CMIP: variants seen among roughly 807,000 people sequenced by gnomAD.
CMIP encodes the protein c-Maf inducing protein.
In CMIP, 13 loss-of-function variants were observed where a neutral mutation model predicts 97.3. That is an observed-to-expected ratio of 0.13 (90% CI 0.09 to 0.21). The LOEUF is 0.21. Ranked by LOEUF, CMIP falls within the 10% of genes least tolerant of loss-of-function variation. CMIP has a pLI of 1.00. For missense variants in CMIP, 847 were observed against 1,024.9 expected, an observed-to-expected ratio of 0.83 and a Z score of 2.37; for synonymous variants, 538 against 436.3, an observed-to-expected ratio of 1.23 and a Z score of -2.91.
chr16:81,497,423 T>C (rs62046563), intron 1 of CMIP, among the ~76,000 whole-genome samples: 25,415 of 152,114 alleles, frequency 0.17, 3,051 homozygotes, highest in African/African-American at 0.34. Context: ...CTGGAGCTCA[T>C]AATAAGTAGG....
chr16:81,640,244 G>A (rs1279408552), intron 3 of CMIP, among the ~76,000 whole-genome samples: 2 of 150,094 alleles, frequency 1.3e-5, no homozygotes, highest in Non-Finnish European at 3.0e-5. Context: ...GGAAGTCAGT[G>A]TTTCTGTCCC....
chr16:81,480,137 T>A (rs371939638), intron 1 of CMIP, among the ~76,000 whole-genome samples: 100 of 152,354 alleles, frequency 6.6e-4, no homozygotes, highest in African/African-American at 2.3e-3. Context: ...TAGGCAGTAT[T>A]TCCTTGGGTC....
chr16:81,707,976 G>A (rs1908337613), intron 20 of CMIP, among the ~76,000 whole-genome samples: 1 of 152,272 alleles, frequency 6.6e-6, no homozygotes, highest in Non-Finnish European at 1.5e-5. Context: ...CAGGCCTCCT[G>A]CCGCCAGGGC....
At chr16:81,623,686 G>GT (rs1335325600) in intron 3 of CMIP, among the ~76,000 whole-genome samples, 2 of 152,204 alleles carry the variant, frequency 1.3e-5, no homozygotes, top group Non-Finnish European at 2.9e-5. Context: ...GCAAAGAAAC[G>GT]TAAGGTGTTT....
In CMIP at chr16:81,651,416, G is replaced by A. The variant is rs117821579; in HGVS notation, c.478-787G>A. The A allele has an allele frequency of 3.3e-3, 3,216 of 980,536 alleles. 7 individuals carry two copies. Among genetic ancestry groups the A allele is most frequent in the Non-Finnish European group, 3.7e-3 (3,047 of 825,430 alleles). The allele number at this position is 980,536 out of a possible 1,614,324, so 60.7% of individuals were successfully genotyped here. ...AACCGCTCTCTGGCTTCGACACAGC[G>A]CCCAAGCAAAGGTGAGAGCACTCTT... is the stretch of plus-strand genomic sequence containing the variant. On this transcript the variant is annotated intron_variant, in intron 3 of 20. Transcript: ENST00000537098.
At chr16:81,669,808 G>A (rs559733715) in intron 7 of CMIP, among the ~76,000 whole-genome samples, 2 of 152,090 alleles carry the variant, frequency 1.3e-5, no homozygotes, top group South Asian at 4.2e-4. Context: ...ATTCCCCTCG[G>A]AAGCACCCTC....
Position 81,652,348 on chromosome 16 carries a change from C to T in CMIP, c.623C>T (p.Ser208Leu), listed in dbSNP as rs780130600. 1.2e-5 allele frequency: 19 copies of T among 1,613,486 alleles called. No homozygotes were observed. Among genetic ancestry groups the T allele is most frequent in the Non-Finnish European group, 1.6e-5 (19 of 1,179,746 alleles). The change falls in exon 4 of 21, where the codon TCG becomes TTG. Residue 208 changes from serine (S) to leucine (L), a missense_variant. By Grantham distance (145) the Ser-to-Leu change is moderately radical (BLOSUM62 -2). This residue lies in a region of CMIP where 285 missense variants were observed against 392.2 expected (regional missense o/e 0.73). Coordinates refer to ENST00000537098, the MANE Select transcript of CMIP (RefSeq NM_198390.3). The surrounding 1 kb of genome is among the most constrained non-coding windows in gnomAD (Gnocchi z 5.2). ...SINQAPLEIV[S>L]KLLSENTNLT... ...AACCAGGCCCCACTGGAAATCGTCT[C>T]GAAACTGCTCTCAGAGGTAAAACCC... is the stretch of plus-strand genomic sequence containing the variant.
chr16:81,484,784 C>G (rs2089290168), intron 1 of CMIP, among the ~76,000 whole-genome samples: 1 of 152,156 alleles, frequency 6.6e-6, no homozygotes, highest in African/African-American at 2.4e-5. Flanking sequence ...GGGGTTCACT[C>G]TACCTTTGAT....
Position 81,684,553 on chromosome 16 carries a change from G to A in CMIP, c.1388+5925G>A, listed in dbSNP as rs918472970. ...TGGGTTAAAATCCCAGCTGAGCTGC[G>A]TGAGGTGGGAGACCCGGGCTTTGCA... On this transcript the variant is annotated intron_variant, in intron 10 of 20. Coordinates refer to ENST00000537098, the MANE Select transcript of CMIP (RefSeq NM_198390.3). Among the ~76,000 whole-genome samples the A allele has an allele frequency of 5.3e-5, 8 of 152,358 alleles. No individual in the cohort carries two copies. The East Asian group carries it at 7.7e-4, about 15-fold the overall frequency.
Position 81,504,662 on chromosome 16 carries a change from A to AG in CMIP, c.300+59121_300+59122insG, listed in dbSNP as rs1555524041. 1.1e-4 allele frequency among the ~76,000 whole-genome samples: 15 copies of AG among 142,590 alleles called. No homozygotes were observed. In the East Asian group the frequency reaches 1.2e-3, roughly 11 times the overall value. The allele number at this position is 142,590 out of a possible 152,430, so 93.5% of individuals were successfully genotyped here. Reference sequence around the variant, plus strand: ...GTCTCAAAAAAAAAAAAAAAAAAAAAAAAAGAAAAGAAAAGAAAAAATGGC... The same window carrying AG: ...GTCTCAAAAAAAAAAAAAAAAAAAAAGAAAAGAAAAGAAAAGAAAAAATGGC... On this transcript the variant is annotated intron_variant, in intron 1 of 20. Coordinates refer to ENST00000537098, the MANE Select transcript of CMIP (RefSeq NM_198390.3).
intron 11 of CMIP, 127 bp from the exon 12 acceptor site, chr16:81,693,031 C>A: frequency 1.4e-6 from 1 of 706,948 alleles, no homozygotes; most frequent in African/African-American, 1.8e-5. Context: ...TGGCATTTCA[C>A]TCACATTCCT....
chr16:81,702,726 G>T, intron 17 of CMIP, 57 bp downstream of exon 17: 1 of 1,492,814 alleles, frequency 6.7e-7, no homozygotes, highest in Non-Finnish European at 9.3e-7. Flanking sequence ...GGTCCTCTCT[G>T]TTGGGGAACG....
At chr16:81,573,984 T>G (rs1355152712) in intron 1 of CMIP, among the ~76,000 whole-genome samples, 2 of 152,132 alleles carry the variant, frequency 1.3e-5, no homozygotes, top group Non-Finnish European at 2.9e-5. Flanking sequence ...AAGCCTAGGC[T>G]TGACCCCTGG....
chr16:81,545,968 G>A (rs868229083), intron 1 of CMIP, among the ~76,000 whole-genome samples: 3 of 152,158 alleles, frequency 2.0e-5, no homozygotes, highest in Non-Finnish European at 4.4e-5. Context: ...AGAATCCACC[G>A]TGACCTACAT....
intron 2 of CMIP, among the ~76,000 whole-genome samples, chr16:81,617,998 GGC>G (rs1567613607): frequency 6.6e-6 from 1 of 152,190 alleles, no homozygotes; most frequent in African/African-American, 2.4e-5. Context: ...TCCAGCCGGT[GGC>G]AGCTTACAGG....
At chr16:81,607,822 C>T in intron 2 of CMIP, 130 bp downstream of exon 2, 1 of 1,024,688 alleles carries the variant, frequency 9.8e-7, no homozygotes, top group African/African-American at 1.6e-5. Context: ...GATTTTATTC[C>T]CCAAGTATAA....
intron 3 of CMIP, among the ~76,000 whole-genome samples, chr16:81,646,536 G>A (rs1179003093): frequency 1.3e-5 from 2 of 152,188 alleles, no homozygotes; most frequent in Admixed American, 6.5e-5. Context: ...ACACAATTCA[G>A]TGATCTTAGT....
At chr16:81,598,833 G>C (rs892419913) in intron 1 of CMIP, among the ~76,000 whole-genome samples, 8 of 152,100 alleles carry the variant, frequency 5.3e-5, no homozygotes, top group African/African-American at 1.7e-4. Context: ...TCTGGGCGTG[G>C]TGTTGTGTGC....
chr16:81,528,324 A>T (rs772085354), intron 1 of CMIP, among the ~76,000 whole-genome samples: 22 of 151,892 alleles, frequency 1.4e-4, no homozygotes, highest in Non-Finnish European at 2.2e-4. Flanking sequence ...CCTTCCTCCT[A>T]TGACCCTGTG....
Sources: allele counts gnomAD v4.1 joint callset (sites outside exome capture counted in the v4.1 genomes callset), GRCh38; gene constraint gnomAD v4.1.1; regional missense constraint gnomAD v4.1.1; non-coding constraint Gnocchi (gnomAD v3.1); transcripts MANE v1.5; gene names NCBI Gene and HGNC (gene_info 2026-07-23, HGNC 2026-07-21).